AZIN2: variants seen among roughly 807,000 people sequenced by gnomAD.
AZIN2 encodes ODC antizyme inhibitor-2.
Under a neutral mutation model 47.8 loss-of-function variants are expected in AZIN2, and 28 were observed. The observed-to-expected ratio is 0.59, with a 90% CI of 0.43 to 0.80. The LOEUF (loss-of-function observed/expected upper bound fraction) is 0.80. AZIN2 is among the 30% of genes least tolerant of loss of function. AZIN2 has a pLI of 0.00. For missense variants in AZIN2, 535 were observed against 582.5 expected (o/e 0.92, Z 0.84); for synonymous variants, 221 against 239.4 (o/e 0.92, Z 0.71).
chr1:33,082,187 T>A lies in AZIN2; in HGVS notation c.-63T>A. 1 of 1,401,732 alleles carries A rather than the reference T, an allele frequency of 7.1e-7. No homozygotes were observed. Among genetic ancestry groups the A allele is most frequent in the Non-Finnish European group, 1.0e-6 (1 of 996,388 alleles). The allele number at this position is 1,401,732 out of a possible 1,614,324, so 86.8% of individuals were successfully genotyped here. ...TCCCCTCGCCCCGCAGTGTGTTGCATACTTTCTAAGGCGGCGGCTGCAGCA... is the reference window on the plus strand; with the variant it reads ...TCCCCTCGCCCCGCAGTGTGTTGCAAACTTTCTAAGGCGGCGGCTGCAGCA... On this transcript the variant is annotated 5_prime_UTR_variant, in exon 4 of 12. Transcript: ENST00000294517.
At chr1:33,156,694 G>T in the AZIN2 span, among the ~76,000 whole-genome samples, 1 of 152,118 alleles carries the variant, frequency 6.6e-6, no homozygotes, top group Non-Finnish European at 1.5e-5. Flanking sequence ...TAATGATGCT[G>T]GTGCTGACCT....
intron 5 of AZIN2, 45 bp from the exon 6 acceptor site, chr1:33,092,005 A>G: frequency 6.3e-7 from 1 of 1,592,648 alleles, no homozygotes; most frequent in Non-Finnish European, 8.6e-7. Flanking sequence ...TCCGTGGGCT[A>G]GCAGGCCCTG....
At chr1:33,165,440 G>C in the AZIN2 span, 14 of 1,542,200 alleles carry the variant, frequency 9.1e-6, no homozygotes, top group Non-Finnish European at 1.2e-5. This position sits in a 1 kb window ranked among gnomAD's most constrained non-coding sequence, Gnocchi z 4.0. Context: ...CATCTCTGCC[G>C]GCCCCACCTC....
chr1:33,081,180 G>A lies in AZIN2; in HGVS notation c.-520G>A, dbSNP rs1324420224. 1.3e-5 allele frequency: 2 copies of A among 154,254 alleles called. No individual in the cohort carries two copies. The highest frequency in any genetic ancestry group is 2.9e-5 in the Non-Finnish European group (2 of 69,470). 9.6% of individuals were successfully genotyped at this position (154,254 alleles called of 1,614,324 possible). Reference sequence around the variant, plus strand: ...GTGGGGGTCTGTGGCTGCTGGGCTGGCGGGGCGCAGGCCGCGGGACCCGAG... The same window carrying A: ...GTGGGGGTCTGTGGCTGCTGGGCTGACGGGGCGCAGGCCGCGGGACCCGAG... On this transcript the variant is annotated 5_prime_UTR_variant, in exon 1 of 12. Coordinates refer to ENST00000294517, the MANE Select transcript of AZIN2 (RefSeq NM_052998.4). This position sits in a 1 kb window ranked among gnomAD's most constrained non-coding sequence, Gnocchi z 4.2.
chr1:33,116,315 T>C (rs1488223782), intron 10 of AZIN2, among the ~76,000 whole-genome samples: 1 of 152,216 alleles, frequency 6.6e-6, no homozygotes, highest in East Asian at 1.9e-4. Context: ...TTATCAAATA[T>C]ATGAGCACTA....
intron 10 of AZIN2, among the ~76,000 whole-genome samples, chr1:33,105,351 T>C (rs535461617): frequency 1.4e-4 from 22 of 152,358 alleles, no homozygotes; most frequent in African/African-American, 5.3e-4. Flanking sequence ...TAAATGTTCA[T>C]TGAGTGCTCT....
At chr1:33,097,563 G>A (rs1484419951) in intron 9 of AZIN2, among the ~76,000 whole-genome samples, 1 of 152,180 alleles carries the variant, frequency 6.6e-6, no homozygotes, top group Non-Finnish European at 1.5e-5. Context: ...GGAGCCTCAG[G>A]ACTGTGCGCT....
intron 5 of AZIN2, among the ~76,000 whole-genome samples, chr1:33,085,231 C>CAAAAA (rs113297919): frequency 1.3e-5 from 1 of 78,304 alleles, no homozygotes; most frequent in Admixed American, 1.3e-4. Context: ...AGCTTGTTTA[C>CAAAAA]AAAAAAAAAA....
chr1:33,094,571 C>G lies in AZIN2; in HGVS notation c.611C>G (p.Pro204Arg). 1 of 1,613,814 alleles carries G rather than the reference C, an allele frequency of 6.2e-7. No homozygotes were observed. The highest frequency in any genetic ancestry group is 8.5e-7 in the Non-Finnish European group (1 of 1,179,748). ...AGTTTTCACATTGGCAGTGGCTGTCCTGACCCTCAGGCCTATGCTCAGTCC... is the reference window on the plus strand; with the variant it reads ...AGTTTTCACATTGGCAGTGGCTGTCGTGACCCTCAGGCCTATGCTCAGTCC... ...GVSFHIGSGC[P>R]DPQAYAQSIA... Residue 204 changes from proline (P) to arginine (R), a missense_variant, in exon 8 of 12, where the codon CCT becomes CGT. By Grantham distance (103) the Pro-to-Arg change is moderately radical. Coordinates refer to ENST00000294517, the MANE Select transcript of AZIN2 (RefSeq NM_052998.4).
At chr1:33,114,355 C>CTTT (rs59452990) in intron 10 of AZIN2, among the ~76,000 whole-genome samples, 2 of 115,964 alleles carry the variant, frequency 1.7e-5, no homozygotes, top group African/African-American at 6.8e-5. Context: ...TTTTTCTTTT[C>CTTT]TTTTTTTTTT....
At chr1:33,116,598 G>A (rs1260172986) in intron 10 of AZIN2, among the ~76,000 whole-genome samples, 1 of 151,982 alleles carries the variant, frequency 6.6e-6, no homozygotes, top group East Asian at 1.9e-4. Context: ...GCATTGAGGA[G>A]ATGGGGATGA....
chr1:33,157,130 A>T, the AZIN2 span, among the ~76,000 whole-genome samples: 1 of 151,984 alleles, frequency 6.6e-6, no homozygotes, highest in South Asian at 2.1e-4. Flanking sequence ...ACTGGCTCTC[A>T]TCTCACTCAG....
the AZIN2 span, among the ~76,000 whole-genome samples, chr1:33,144,135 CTTTTTTTTTTT>C: frequency 3.4e-5 from 5 of 146,486 alleles, no homozygotes; most frequent in Admixed American, 6.8e-5. Flanking sequence ...AATGTTACTT[CTTTTTTTTTTT>C]TTTTTTTTTG....
chr1:33,144,495 C>A, the AZIN2 span, among the ~76,000 whole-genome samples: 1 of 152,220 alleles, frequency 6.6e-6, no homozygotes, highest in African/African-American at 2.4e-5. Context: ...AAACCTCCAC[C>A]ACCTGTATAT....
At chr1:33,086,718 A>T (rs897664114) in intron 5 of AZIN2, among the ~76,000 whole-genome samples, 2 of 152,176 alleles carry the variant, frequency 1.3e-5, no homozygotes, top group Non-Finnish European at 2.9e-5. Flanking sequence ...GGACCACTGT[A>T]TCATCTCTCC....
At chr1:33,155,116 G>A in the AZIN2 span, among the ~76,000 whole-genome samples, 1 of 145,544 alleles carries the variant, frequency 6.9e-6, no homozygotes, top group Non-Finnish European at 1.5e-5. Context: ...CTGTCGCCCA[G>A]GCTGTAGTGC....
At chr1:33,094,736 C>G in intron 8 of AZIN2, 23 bp downstream of exon 8, 2 of 1,612,646 alleles carry the variant, frequency 1.2e-6, no homozygotes, top group Non-Finnish European at 1.7e-6. Context: ...CTGGGAGTGT[C>G]ATGCTGGGCT....
chr1:33,161,917 C>T, the AZIN2 span, among the ~76,000 whole-genome samples: 4 of 152,184 alleles, frequency 2.6e-5, no homozygotes, highest in Admixed American at 1.3e-4. This position sits in a 1 kb window ranked among gnomAD's most constrained non-coding sequence, Gnocchi z 4.3. Context: ...GCCTTCCATC[C>T]TCACCCTGAA....
chr1:33,146,152 C>G, the AZIN2 span: 1 of 258,634 alleles, frequency 3.9e-6, no homozygotes, highest in Non-Finnish European at 7.7e-6. Flanking sequence ...GAGTCTGCTT[C>G]TCCAGCTCTT....
Sources: gnomAD v4.1 joint callset for allele counts (sites outside exome capture counted in the v4.1 genomes callset) on GRCh38, gnomAD v4.1.1 for gene constraint, Gnocchi (gnomAD v3.1) non-coding constraint, MANE v1.5 for transcripts, NCBI Gene and HGNC (gene_info 2026-07-23, HGNC 2026-07-21) for gene names.